CDKL4: variants seen among roughly 807,000 people sequenced by gnomAD.
CDKL4 encodes cyclin dependent kinase like 4, also known as cyclin-dependent kinase-like 4.
Under a neutral mutation model 42.0 loss-of-function variants are expected in CDKL4, and 44 were observed. The ratio of observed to expected loss-of-function variants is 1.05; its 90% CI spans 0.82 to 1.35. The LOEUF (loss-of-function observed/expected upper bound fraction) is 1.35. CDKL4 is among the 40% of genes most tolerant of loss of function. CDKL4 has a pLI of 0.00. For synonymous variants in CDKL4, 120 were observed against 121.6 expected (o/e 0.99, Z 0.09); for missense variants, 393 against 369.9 (o/e 1.06, Z -0.51).
At chr2:39,226,989 G>A (rs1678787345) in intron 2 of CDKL4, among the ~76,000 whole-genome samples, 2 of 151,922 alleles carry the variant, frequency 1.3e-5, no homozygotes, top group African/African-American at 2.4e-5. Flanking sequence ...CTGGTCTCAC[G>A]TGGACAGGCT....
downstream of CDKL4, among the ~76,000 whole-genome samples, chr2:39,174,192 C>G (rs115814158): frequency 0.013 from 1,944 of 151,974 alleles, 26 homozygotes; most frequent in Middle Eastern, 0.024. Context: ...ATCACTTGAG[C>G]TCATGAGTTA....
At position 39,188,837 on chromosome 2, in the gene CDKL4, G is replaced by T. The variant is rs62144675; in HGVS notation, c.653-1128C>A. Among the ~76,000 whole-genome samples the T allele has an allele frequency of 5.0e-3, 760 of 152,136 alleles. 1 individual carries two copies. The highest frequency in any genetic ancestry group is 8.4e-3 in the Non-Finnish European group (572 of 68,016). ...CCCGAGTAGCTGGAACTACAAGCAT[G>T]CGCCATCATGTCCAGCTAATTTTTA... is the stretch of plus-strand genomic sequence containing the variant. On this transcript the variant is annotated intron_variant, in intron 6 of 9. Transcript: ENST00000451199.
chr2:39,232,638 TCTC>T (rs1389574455), intron 1 of CDKL4, among the ~76,000 whole-genome samples: 1 of 152,010 alleles, frequency 6.6e-6, no homozygotes, highest in African/African-American at 2.4e-5. Context: ...CTAAACCTAA[TCTC>T]CTCATACATC....
upstream of CDKL4, among the ~76,000 whole-genome samples, chr2:39,244,353 G>T (rs1050134085): frequency 1.3e-5 from 2 of 152,188 alleles, no homozygotes; most frequent in Non-Finnish European, 2.9e-5. Context: ...TGGGCTTGGC[G>T]GGCCCCGCAC....
intron 4 of CDKL4, among the ~76,000 whole-genome samples, chr2:39,212,215 G>A (rs879283489): frequency 6.6e-5 from 10 of 151,890 alleles, no homozygotes; most frequent in African/African-American, 1.7e-4. Flanking sequence ...TGAGAACTAC[G>A]GCTATAAAAA....
In CDKL4 at chr2:39,209,317, G is replaced by GAA. The variant is rs11372337; in HGVS notation, c.363+4081_363+4082dup. 2.3e-3 allele frequency among the ~76,000 whole-genome samples: 311 copies of GAA among 137,208 alleles called. 1 individual carries two copies. Among genetic ancestry groups the GAA allele is most frequent in the East Asian group, 0.011 (51 of 4,720 alleles). 90.0% of individuals were successfully genotyped at this position (137,208 alleles called of 152,430 possible). On this transcript the variant is annotated intron_variant, in intron 4 of 9. Transcript: ENST00000451199. ...ACAGAGCAAGATCCTGTCTCAGGAA[G>GAA]AAAAAAAAAAAAAAAGTCATTTTTG...
At chr2:39,240,507 G>T (rs929759410) in intron 1 of CDKL4, among the ~76,000 whole-genome samples, 1 of 150,838 alleles carries the variant, frequency 6.6e-6, no homozygotes, top group South Asian at 2.1e-4. Flanking sequence ...ATCTAACAAT[G>T]ACATGTAAGC....
intron 3 of CDKL4, among the ~76,000 whole-genome samples, chr2:39,223,934 C>A (rs1678534688): frequency 6.6e-6 from 1 of 152,110 alleles, no homozygotes; most frequent in Non-Finnish European, 1.5e-5. Context: ...CCCATGTTCA[C>A]TGGAAGGTAA....
intron 3 of CDKL4, among the ~76,000 whole-genome samples, chr2:39,223,614 A>G (rs1197991535): frequency 8.7e-6 from 1 of 115,424 alleles, no homozygotes; most frequent in Admixed American, 7.9e-5. Flanking sequence ...TCTGTCTTCA[A>G]AAAAAAAAAA....
intron 3 of CDKL4, among the ~76,000 whole-genome samples, chr2:39,221,133 C>T (rs1412969396): frequency 2.0e-5 from 3 of 151,390 alleles, no homozygotes; most frequent in Non-Finnish European, 2.9e-5. Context: ...CCTGCCTCAG[C>T]CTCCTAAGTA....
intron 1 of CDKL4, among the ~76,000 whole-genome samples, chr2:39,241,321 C>T (rs182420168): frequency 6.6e-6 from 1 of 152,130 alleles, no homozygotes; most frequent in Admixed American, 6.5e-5. Flanking sequence ...AAAACGTAAA[C>T]AGTGAGTCCA....
intron 3 of CDKL4, among the ~76,000 whole-genome samples, chr2:39,221,610 T>C (rs1473156310): frequency 6.6e-6 from 1 of 152,234 alleles, no homozygotes; most frequent in African/African-American, 2.4e-5. Context: ...GCATAATAGA[T>C]TGAAGTCTCA....
intron 8 of CDKL4, among the ~76,000 whole-genome samples, chr2:39,181,431 T>A (rs759688933): frequency 1.3e-5 from 2 of 152,186 alleles, no homozygotes; most frequent in East Asian, 3.8e-4. Flanking sequence ...GATTTCCACA[T>A]CTACAATTCC....
chr2:39,221,001 G>GTTTTTTTTTTTTTTTTTTTTTTT (rs1678311355), intron 3 of CDKL4, among the ~76,000 whole-genome samples: 1 of 78,826 alleles, frequency 1.3e-5, no homozygotes, highest in Non-Finnish European at 2.3e-5. Flanking sequence ...TTTTTTTTTT[G>GTTTTTTTTTTTTTTTTTTTTTTT]TTTTTTTTTT....
intron 1 of CDKL4, among the ~76,000 whole-genome samples, chr2:39,235,235 G>A (rs1269708771): frequency 6.6e-6 from 1 of 152,150 alleles, no homozygotes; most frequent in Non-Finnish European, 1.5e-5. Context: ...CCTCTTGAAT[G>A]TATTGGTGAA....
chr2:39,172,982 T>G (rs890024880), downstream of CDKL4, among the ~76,000 whole-genome samples: 5 of 152,142 alleles, frequency 3.3e-5, no homozygotes, highest in Non-Finnish European at 5.9e-5. Context: ...AGTGATGGAT[T>G]TGTCTGAGGA....
At chr2:39,192,504 G>A (rs1353566199) in intron 5 of CDKL4, among the ~76,000 whole-genome samples, 1 of 151,046 alleles carries the variant, frequency 6.6e-6, no homozygotes, top group African/African-American at 2.4e-5. Flanking sequence ...GGGACTATAG[G>A]GGCTTGAAAC....
intron 7 of CDKL4, among the ~76,000 whole-genome samples, chr2:39,185,460 GTATA>G (rs796300737): frequency 6.7e-5 from 7 of 104,000 alleles, no homozygotes; most frequent in African/African-American, 2.7e-4. Context: ...ATACATATGT[GTATA>G]TATATATATA....
At chr2:39,221,001 GTTTTTTTTTTTGT>G (rs1678312543) in intron 3 of CDKL4, among the ~76,000 whole-genome samples, 1 of 78,804 alleles carries the variant, frequency 1.3e-5, no homozygotes, top group African/African-American at 4.7e-5. Flanking sequence ...TTTTTTTTTT[GTTTTTTTTTTTGT>G]TTTGTTTTTG....
Sources: gnomAD v4.1 joint callset for allele counts (sites outside exome capture counted in the v4.1 genomes callset) on GRCh38, gnomAD v4.1.1 for gene constraint, MANE v1.5 for transcripts, NCBI Gene and HGNC (gene_info 2026-07-23, HGNC 2026-07-21) for gene names.